Variants in SUCLG2 observed in about 807,000 individuals in gnomAD.
The protein encoded by SUCLG2 is succinate--CoA ligase [GDP-forming] subunit beta, mitochondrial.
A neutral mutation model predicts 47.9 loss-of-function variants in SUCLG2; 42 were observed. The ratio of observed to expected loss-of-function variants is 0.88; its 90% CI spans 0.69 to 1.14. The LOEUF (loss-of-function observed/expected upper bound fraction) is 1.14, where lower values mean the gene tolerates loss of function less well. SUCLG2 is among the 50% of genes most tolerant of loss of function. The pLI, the probability that SUCLG2 is intolerant of heterozygous loss-of-function variation, is 0.00. For missense variants in SUCLG2, 571 were observed against 525.9 expected (o/e 1.09, Z -0.84); for synonymous variants, 195 against 197.3 (o/e 0.99, Z 0.10).
intron 9 of SUCLG2, among the ~76,000 whole-genome samples, chr3:67,462,559 A>G (rs1553646770): frequency 6.6e-6 from 1 of 152,226 alleles, no homozygotes; most frequent in Non-Finnish European, 1.5e-5. Flanking sequence ...CGGCATGCCC[A>G]GGAACGGGCT....
chr3:67,529,923 A>G (rs1297598885), intron 2 of SUCLG2, among the ~76,000 whole-genome samples: 1 of 152,232 alleles, frequency 6.6e-6, no homozygotes, highest in Non-Finnish European at 1.5e-5. Context: ...GAAGTAGCCC[A>G]GTGACAAATG....
At chr3:67,378,223 C>A (rs1360570759) in intron 10 of SUCLG2, among the ~76,000 whole-genome samples, 1 of 152,214 alleles carries the variant, frequency 6.6e-6, no homozygotes, top group Non-Finnish European at 1.5e-5. Context: ...GTAGTCACAT[C>A]TTTGTAGAAT....
chr3:67,563,521 A>C (rs992216088), intron 2 of SUCLG2, among the ~76,000 whole-genome samples: 16 of 152,180 alleles, frequency 1.1e-4, no homozygotes, highest in African/African-American at 3.6e-4. Flanking sequence ...GCTGTTCCCT[A>C]TACACTGACC....
intron 2 of SUCLG2, among the ~76,000 whole-genome samples, chr3:67,597,807 G>A (rs146760529): frequency 0.027 from 4,108 of 151,680 alleles, 86 homozygotes; most frequent in Middle Eastern, 0.061. Context: ...GCACGGTGGC[G>A]GGTGCCTGTA....
intron 4 of SUCLG2, among the ~76,000 whole-genome samples, chr3:67,522,880 G>A (rs903908111): frequency 1.3e-5 from 2 of 151,748 alleles, no homozygotes; most frequent in African/African-American, 4.8e-5. Flanking sequence ...TTAGCCAGAT[G>A]GTCTCAATCT....
intron 10 of SUCLG2, among the ~76,000 whole-genome samples, chr3:67,366,005 A>G (rs542175067): frequency 2.0e-5 from 3 of 152,220 alleles, no homozygotes; most frequent in Non-Finnish European, 4.4e-5. Flanking sequence ...TAAAATTTGT[A>G]ACTTAATTAT....
intron 9 of SUCLG2, among the ~76,000 whole-genome samples, chr3:67,403,444 A>G (rs1026273420): frequency 5.3e-5 from 8 of 152,238 alleles, no homozygotes; most frequent in Non-Finnish European, 1.5e-5. Context: ...ATTAATTTCA[A>G]CAGACACTTG....
At chr3:67,448,578 T>G (rs1416981909) in intron 9 of SUCLG2, among the ~76,000 whole-genome samples, 1 of 152,194 alleles carries the variant, frequency 6.6e-6, no homozygotes, top group Non-Finnish European at 1.5e-5. Flanking sequence ...AGAGACAGGG[T>G]TTTGCCATGT....
At chr3:67,514,413 T>A (rs1052194542) in intron 6 of SUCLG2, 1 of 279,038 alleles carries the variant, frequency 3.6e-6, no homozygotes, top group African/African-American at 2.2e-5. Context: ...TTTTAAATAT[T>A]TTTCTTGCAT....
At chr3:67,615,621 A>AACAC (rs60992383) in intron 1 of SUCLG2, among the ~76,000 whole-genome samples, 5,605 of 142,118 alleles carry the variant, frequency 0.039, 302 homozygotes, top group African/African-American at 0.12. Flanking sequence ...CACAAACACA[A>AACAC]ACACACACAC....
chr3:67,591,172 C>T lies in SUCLG2; in HGVS notation c.226+18283G>A, dbSNP rs1297120720. On this transcript the variant is annotated intron_variant, in intron 2 of 10. Coordinates refer to ENST00000307227, the MANE Select transcript of SUCLG2 (RefSeq NM_003848.4). ...ATCTCTCTGGCTGTCTGTCTAGAAG[C>T]CTTTCCTACCATTCCAGAGAAAGGA... is the stretch of plus-strand genomic sequence containing the variant. Among the ~76,000 whole-genome samples the T allele has an allele frequency of 4.6e-5, 7 of 152,296 alleles. No homozygotes were observed. The East Asian group carries it at 1.3e-3, about 29-fold the overall frequency.
chr3:67,377,703 G>T (rs973460180), intron 10 of SUCLG2, among the ~76,000 whole-genome samples: 1 of 152,144 alleles, frequency 6.6e-6, no homozygotes, highest in African/African-American at 2.4e-5. Context: ...ACCCAAGATG[G>T]AGTGCAGTGG....
intron 1 of SUCLG2, among the ~76,000 whole-genome samples, chr3:67,612,250 T>G (rs138946385): frequency 1.3e-5 from 2 of 152,102 alleles, no homozygotes; most frequent in Non-Finnish European, 2.9e-5. Context: ...TACCAGCTAA[T>G]TGGGTGGCTG....
chr3:67,403,012 G>A (rs565509780), intron 9 of SUCLG2, among the ~76,000 whole-genome samples: 96 of 152,182 alleles, frequency 6.3e-4, no homozygotes, highest in Non-Finnish European at 1.0e-3. Flanking sequence ...TGGAGTAAGT[G>A]TCAAACAGGA....
intron 9 of SUCLG2, among the ~76,000 whole-genome samples, chr3:67,477,678 G>C (rs1337943829): frequency 6.6e-6 from 1 of 152,180 alleles, no homozygotes; most frequent in African/African-American, 2.4e-5. Flanking sequence ...CTGGGTGACA[G>C]AGCAAGACTC....
chr3:67,627,835 C>T (rs535375914), intron 1 of SUCLG2, among the ~76,000 whole-genome samples: 53 of 152,310 alleles, frequency 3.5e-4, no homozygotes, highest in African/African-American at 1.2e-3. Context: ...ACCAGCCAAG[C>T]AGCAGCCTTT....
intron 9 of SUCLG2, among the ~76,000 whole-genome samples, chr3:67,422,972 T>C (rs1485659347): frequency 6.6e-6 from 1 of 152,148 alleles, no homozygotes; most frequent in Admixed American, 6.5e-5. Flanking sequence ...TGGAGACAAA[T>C]TTATTAGGCT....
At chr3:67,518,651 C>T (rs1191630847) in intron 5 of SUCLG2, among the ~76,000 whole-genome samples, 3 of 152,186 alleles carry the variant, frequency 2.0e-5, no homozygotes, top group Non-Finnish European at 4.4e-5. Context: ...TTTTTGACAT[C>T]TTTTGGAAGG....
chr3:67,621,191 C>T (rs1319496845), intron 1 of SUCLG2, among the ~76,000 whole-genome samples: 1 of 152,140 alleles, frequency 6.6e-6, no homozygotes, highest in Non-Finnish European at 1.5e-5. Flanking sequence ...ATTTGGCTAG[C>T]AGGCCAGTGT....
Sources: allele counts gnomAD v4.1 joint callset (sites outside exome capture counted in the v4.1 genomes callset), GRCh38; gene constraint gnomAD v4.1.1; transcripts MANE v1.5; gene names NCBI Gene and HGNC (gene_info 2026-07-23, HGNC 2026-07-21).